Variants in SOD1 observed in about 807,000 individuals in gnomAD.
The protein encoded by SOD1 is superoxide dismutase [Cu-Zn].
A neutral mutation model predicts 15.9 loss-of-function variants in SOD1; 8 were observed. The observed-to-expected ratio is 0.50, with a 90% CI of 0.30 to 0.91. The LOEUF is 0.91. Ranked by LOEUF, SOD1 falls within the 40% of genes least tolerant of loss-of-function variation. SOD1 has a pLI of 0.07. For synonymous variants in SOD1, 86 were observed against 71.2 expected (o/e 1.21, Z -1.04); for missense variants, 137 against 194.5 (o/e 0.70, Z 1.76).
At chr21:31,663,075 A>C (rs2049562446) in intron 1 of SOD1, among the ~76,000 whole-genome samples, 1 of 150,490 alleles carries the variant, frequency 6.6e-6, no homozygotes, top group Non-Finnish European at 1.5e-5. Flanking sequence ...TGGGGAGTGG[A>C]GAGCAGGGGT....
At chr21:31,664,119 A>T (rs2049572798) in intron 2 of SOD1, among the ~76,000 whole-genome samples, 1 of 152,082 alleles carries the variant, frequency 6.6e-6, no homozygotes, top group Non-Finnish European at 1.5e-5. Flanking sequence ...CTACAGGTAC[A>T]CACCACCACG....
intron 1 of SOD1, 172 bp downstream of exon 1, chr21:31,660,013 A>G: frequency 2.0e-6 from 1 of 502,946 alleles, no homozygotes; most frequent in Non-Finnish European, 3.3e-6. Flanking sequence ...TGCGGTGCCC[A>G]AGTGCTGAGT....
chr21:31,663,685 T>A, intron 1 of SOD1, 105 bp from the exon 2 acceptor site: 1 of 876,864 alleles, frequency 1.1e-6, no homozygotes, highest in Non-Finnish European at 1.9e-6. Context: ...CACAGATTTT[T>A]CCACTCCCAA....
intron 1 of SOD1, chr21:31,660,165 C>A (rs1047550017): frequency 1.9e-5 from 3 of 155,658 alleles, no homozygotes; most frequent in Non-Finnish European, 4.3e-5. Flanking sequence ...CCTTGGGCCG[C>A]CGCCGCGGGT....
Position 31,659,721 on chromosome 21 carries a change from T to A in SOD1, c.-49T>A, listed in dbSNP as rs775589608. ...TCGTAGTCTCCTGCAGCGTCTGGGGTTTCCGTTGCAGTCCTCGGAACCAGG... is the reference window on the plus strand; with the variant it reads ...TCGTAGTCTCCTGCAGCGTCTGGGGATTCCGTTGCAGTCCTCGGAACCAGG... On this transcript the variant is annotated 5_prime_UTR_variant, in exon 1 of 5. Coordinates refer to ENST00000270142, the MANE Select transcript of SOD1 (RefSeq NM_000454.5). 6.3e-7 allele frequency: 1 copy of A among 1,587,732 alleles called. No individual in the cohort carries two copies. Among genetic ancestry groups the A allele is most frequent in the Non-Finnish European group, 8.6e-7 (1 of 1,156,474 alleles).
Position 31,667,094 on chromosome 21 carries a change from A to G in SOD1, c.240-164A>G, listed in dbSNP as rs191243135. The G allele has an allele frequency of 1.2e-4, 79 of 671,064 alleles. 1 individual carries two copies. In the East Asian group the frequency reaches 1.6e-3, roughly 13 times the overall value. 41.6% of individuals were successfully genotyped at this position (671,064 alleles called of 1,614,324 possible). ...GCAGCCCCATCTTTCTTCCCAGAGC[A>G]TTAGTGTGTAGACGTGAAGCCTTGT... On this transcript the variant is annotated intron_variant, in intron 3 of 4. Coordinates refer to ENST00000270142, the MANE Select transcript of SOD1 (RefSeq NM_000454.5).
At chr21:31,664,233 A>C (rs546225062) in intron 2 of SOD1, 121 of 320,386 alleles carry the variant, frequency 3.8e-4, no homozygotes, top group Middle Eastern at 3.4e-3. Context: ...TCGACCTCCC[A>C]AAGTGCTGGG....
chr21:31,660,742 G>C (rs907567306), intron 1 of SOD1: 6 of 152,224 alleles, frequency 3.9e-5, no homozygotes, highest in South Asian at 2.1e-4. Flanking sequence ...GTTTCCAAAA[G>C]TGATTTTGAT....
intron 1 of SOD1, among the ~76,000 whole-genome samples, chr21:31,663,121 TTTTC>T (rs1189043307): frequency 8.4e-6 from 1 of 119,466 alleles, no homozygotes; most frequent in Non-Finnish European, 1.7e-5. Context: ...CAGGGCGACT[TTTTC>T]TTTTTTTTTT....
At chr21:31,667,570 T>G (rs1433892724) in intron 4 of SOD1, among the ~76,000 whole-genome samples, 195 bp downstream of exon 4, 1 of 152,252 alleles carries the variant, frequency 6.6e-6, no homozygotes, top group African/African-American at 2.4e-5. Context: ...AACACTGTTC[T>G]GCTAAGATGC....
intron 1 of SOD1, 70 bp from the exon 2 acceptor site, chr21:31,663,720 T>G: frequency 1.6e-6 from 2 of 1,219,302 alleles, no homozygotes. Flanking sequence ...TACTTCACTG[T>G]GAGGGGTAAA....
At position 31,666,880 on chromosome 21, in the gene SOD1, A is replaced by G; in HGVS notation, c.239+362A>G. The stretch of plus-strand genomic sequence containing the variant: ...CTTCTGTAGATAAAAAAAAAAATTG[A>G]TACTGAAAACTAGTCGAGACTCCAT... On this transcript the variant is annotated intron_variant, in intron 3 of 4. Coordinates refer to ENST00000270142, the MANE Select transcript of SOD1 (RefSeq NM_000454.5). 4 of 389,926 alleles carry G rather than the reference A, an allele frequency of 1.0e-5. No homozygotes were observed. In the South Asian group the frequency reaches 1.2e-4, roughly 11 times the overall value. The allele number at this position is 389,926 out of a possible 1,614,324, so 24.2% of individuals were successfully genotyped here.
chr21:31,666,500 G>A lies in SOD1; in HGVS notation c.221G>A (p.Gly74Glu). ...AATCCTCTATCCAGAAAACACGGTG[G>A]GCCAAAGGATGAAGAGAGGTAACAA... is the stretch of plus-strand genomic sequence containing the variant. ...HFNPLSRKHG[G>E]PKDEERHVGD... Residue 74 changes from glycine to glutamate, a missense_variant, in exon 3 of 5, where the codon GGG becomes GAG. Physicochemically the swap from Gly to Glu is moderately conservative, Grantham distance 98 (BLOSUM62 -2). Transcript: ENST00000270142. 1 of 1,612,196 alleles carries A rather than the reference G, an allele frequency of 6.2e-7. No homozygotes were observed. The highest frequency in any genetic ancestry group is 8.5e-7 in the Non-Finnish European group (1 of 1,178,500).
Position 31,659,765 on chromosome 21 carries a change from G to C in SOD1, c.-5G>C, listed in dbSNP as rs1351127419. 1.2e-6 allele frequency: 2 copies of C among 1,613,896 alleles called. No homozygotes were observed. Among genetic ancestry groups the C allele is most frequent in the Non-Finnish European group, 1.7e-6 (2 of 1,179,872 alleles). On this transcript the variant is annotated 5_prime_UTR_variant, in exon 1 of 5. Coordinates refer to ENST00000270142, the MANE Select transcript of SOD1 (RefSeq NM_000454.5). ...AACCAGGACCTCGGCGTGGCCTAGC[G>C]AGTTATGGCGACGAAGGCCGTGTGC...
At chr21:31,666,918 G>T in intron 3 of SOD1, 1 of 400,260 alleles carries the variant, frequency 2.5e-6, no homozygotes, top group Non-Finnish European at 4.6e-6. Context: ...ATATGTGTAT[G>T]TTTTCTGAAA....
intron 1 of SOD1, 85 bp from the exon 2 acceptor site, chr21:31,663,705 C>CT: frequency 1.8e-6 from 2 of 1,099,222 alleles, no homozygotes; most frequent in South Asian, 1.3e-5. Flanking sequence ...AGTCTGGCTG[C>CT]TTTTTACTTC....
chr21:31,666,998 A>G (rs540207911), intron 3 of SOD1: 54 of 532,352 alleles, frequency 1.0e-4, no homozygotes, highest in African/African-American at 7.2e-4. Flanking sequence ...TAGCTTTGTT[A>G]GCTATGCCAG....
Position 31,659,715 on chromosome 21 carries a change from CT to C in SOD1, c.-54del. 6.4e-7 allele frequency: 1 copy of C among 1,571,704 alleles called. No individual in the cohort carries two copies. The highest frequency in any genetic ancestry group is 1.7e-5 in the Admixed American group (1 of 59,976). On this transcript the variant is annotated 5_prime_UTR_variant, in exon 1 of 5. Coordinates refer to ENST00000270142, the MANE Select transcript of SOD1 (RefSeq NM_000454.5). ...TTTGCGTCGTAGTCTCCTGCAGCGTCTGGGGTTTCCGTTGCAGTCCTCGGAA... is the reference window on the plus strand; with the variant it reads ...TTTGCGTCGTAGTCTCCTGCAGCGTCGGGGTTTCCGTTGCAGTCCTCGGAA...
At chr21:31,667,067 G>A (rs982544838) in intron 3 of SOD1, 191 bp from the exon 4 acceptor site, 14 of 631,356 alleles carry the variant, frequency 2.2e-5, no homozygotes, top group Admixed American at 2.1e-4. Flanking sequence ...CTGAAATCAG[G>A]TGCAGCCCCA....
Sources: gnomAD v4.1 joint callset for allele counts (sites outside exome capture counted in the v4.1 genomes callset) on GRCh38, gnomAD v4.1.1 for gene constraint, MANE v1.5 for transcripts, NCBI Gene and HGNC (gene_info 2026-07-23, HGNC 2026-07-21) for gene names.